Variants in MYO10 observed in about 807,000 individuals in gnomAD.
The protein encoded by MYO10 is myosin X.
Under a neutral mutation model 257.3 loss-of-function variants are expected in MYO10, and 133 were observed. That is an observed-to-expected ratio of 0.52 (90% CI 0.45 to 0.60). The LOEUF is 0.60. Ranked by LOEUF, MYO10 falls within the 20% of genes least tolerant of loss-of-function variation. MYO10 has a pLI of 0.00. For missense variants in MYO10, 2,399 were observed against 2,635.7 expected (o/e 0.91, Z 1.97); for synonymous variants, 1,104 against 1,028.6 (o/e 1.07, Z -1.40).
chr5:16,826,321 G>A (rs1468099444), intron 2 of MYO10, among the ~76,000 whole-genome samples: 1 of 152,096 alleles, frequency 6.6e-6, no homozygotes, highest in Non-Finnish European at 1.5e-5. Flanking sequence ...TATTTTCTCC[G>A]TCTGTAAAAT....
Position 16,751,041 on chromosome 5 carries a change from C to A in MYO10, c.1929+3787G>T, listed in dbSNP as rs1052439726. On this transcript the variant is annotated intron_variant, in intron 19 of 40. Coordinates refer to ENST00000513610, the MANE Select transcript of MYO10 (RefSeq NM_012334.3). ...AAAAAACTTCTATATTTTCTAAAAC[C>A]CATGCTCCTTGCTTCTGAATAATAC... Among the ~76,000 whole-genome samples the A allele has an allele frequency of 2.0e-5, 3 of 152,018 alleles. No homozygotes were observed. The South Asian group carries it at 6.2e-4, about 32-fold the overall frequency.
intron 1 of MYO10, among the ~76,000 whole-genome samples, chr5:16,917,871 G>T (rs1312072237): frequency 3.3e-5 from 5 of 151,714 alleles, no homozygotes; most frequent in Non-Finnish European, 7.4e-5. Context: ...CAAGACCCTG[G>T]GTCCAAAAAA....
At chr5:16,862,301 G>A (rs938049021) in intron 2 of MYO10, among the ~76,000 whole-genome samples, 2 of 152,190 alleles carry the variant, frequency 1.3e-5, no homozygotes, top group Non-Finnish European at 2.9e-5. Flanking sequence ...TTGCAGACCA[G>A]CTGGATGATC....
chr5:16,746,364 T>C (rs1740197477), intron 19 of MYO10, among the ~76,000 whole-genome samples: 1 of 152,138 alleles, frequency 6.6e-6, no homozygotes, highest in African/African-American at 2.4e-5. Flanking sequence ...TCCTGTGACT[T>C]AGAATGGCTG....
At chr5:16,801,900 C>T (rs1053173590) in intron 3 of MYO10, among the ~76,000 whole-genome samples, 3 of 152,116 alleles carry the variant, frequency 2.0e-5, no homozygotes, top group Non-Finnish European at 2.9e-5. Flanking sequence ...AATAAATGAA[C>T]AGATACAAAA....
At chr5:16,870,032 G>A (rs6896380) in intron 2 of MYO10, among the ~76,000 whole-genome samples, 23,157 of 150,964 alleles carry the variant, frequency 0.15, 2,289 homozygotes, top group Admixed American at 0.21. Context: ...CTGACACCCC[G>A]TGTTTCTGAG....
chr5:16,722,608 A>G (rs1739193765), intron 19 of MYO10, among the ~76,000 whole-genome samples: 1 of 152,252 alleles, frequency 6.6e-6, no homozygotes, highest in Non-Finnish European at 1.5e-5. Flanking sequence ...CTTTCTAACA[A>G]ATGGTGCTAG....
At chr5:16,843,990 A>G (rs1410080970) in intron 2 of MYO10, among the ~76,000 whole-genome samples, 1 of 152,216 alleles carries the variant, frequency 6.6e-6, no homozygotes, top group Non-Finnish European at 1.5e-5. Context: ...CAACAAGCAC[A>G]AAGATTGACA....
chr5:16,934,798 C>T (rs1376775726), intron 1 of MYO10, among the ~76,000 whole-genome samples: 4 of 152,170 alleles, frequency 2.6e-5, no homozygotes, highest in African/African-American at 9.7e-5. Context: ...AATATTATAT[C>T]CAATTAAATC....
chr5:16,818,380 G>T, intron 2 of MYO10, among the ~76,000 whole-genome samples: 1 of 51,214 alleles, frequency 2.0e-5, no homozygotes, highest in East Asian at 7.8e-4. Flanking sequence ...GTGTGTGTGT[G>T]CGTGTGTGTG....
intron 40 of MYO10, among the ~76,000 whole-genome samples, chr5:16,667,966 T>C (rs1309171465): frequency 2.0e-5 from 3 of 152,134 alleles, no homozygotes; most frequent in African/African-American, 7.2e-5. Flanking sequence ...TAAGGTTTTG[T>C]TGCAAATAAT....
intron 3 of MYO10, among the ~76,000 whole-genome samples, chr5:16,807,895 C>A (rs1742325392): frequency 6.6e-6 from 1 of 152,082 alleles, no homozygotes; most frequent in African/African-American, 2.4e-5. Context: ...TATTGTTCAT[C>A]GTTTGCCTGT....
At chr5:16,819,133 C>T (rs1742727518) in intron 2 of MYO10, among the ~76,000 whole-genome samples, 1 of 152,184 alleles carries the variant, frequency 6.6e-6, no homozygotes, top group African/African-American at 2.4e-5. Context: ...TATTCCCTTT[C>T]AACCAGGATA....
chr5:16,875,223 T>TA (rs1744568851), intron 2 of MYO10, among the ~76,000 whole-genome samples: 1 of 152,172 alleles, frequency 6.6e-6, no homozygotes, highest in Non-Finnish European at 1.5e-5. Flanking sequence ...ACAGTTTTGT[T>TA]AAACGAATGA....
intron 1 of MYO10, among the ~76,000 whole-genome samples, chr5:16,932,192 C>T (rs944985982): frequency 6.6e-6 from 1 of 152,204 alleles, no homozygotes; most frequent in Non-Finnish European, 1.5e-5. Context: ...TTGTGAGTAT[C>T]TTACTTGTGT....
At position 16,685,836 on chromosome 5, in the gene MYO10, G is replaced by A; in HGVS notation, c.3897-5C>T. 1.3e-6 allele frequency: 2 copies of A among 1,585,044 alleles called. No individual in the cohort carries two copies. The highest frequency in any genetic ancestry group is 1.7e-6 in the Non-Finnish European group (2 of 1,165,666). On this transcript the variant is annotated splice_region_variant and splice_polypyrimidine_tract_variant and intron_variant, in intron 28 of 40. Coordinates refer to ENST00000513610, the MANE Select transcript of MYO10 (RefSeq NM_012334.3). ...CTCAGCACGCTGAACCACTGGCTGT[G>A]GGGAAGAGAGAGCAACTGTCAAGGA...
intron 2 of MYO10, among the ~76,000 whole-genome samples, chr5:16,828,413 C>A (rs552082667): frequency 1.3e-4 from 20 of 152,140 alleles, no homozygotes; most frequent in African/African-American, 4.8e-4. Context: ...GAGTTCAAGA[C>A]CAGCTTGGCC....
At chr5:16,900,502 G>A (rs1670840427) in intron 1 of MYO10, among the ~76,000 whole-genome samples, 1 of 152,124 alleles carries the variant, frequency 6.6e-6, no homozygotes, top group South Asian at 2.1e-4. Flanking sequence ...AGAAAAACGT[G>A]TAAATTCCCA....
chr5:16,698,464 T>C (rs1183119383), intron 26 of MYO10, among the ~76,000 whole-genome samples: 1 of 152,164 alleles, frequency 6.6e-6, no homozygotes, highest in Non-Finnish European at 1.5e-5. Flanking sequence ...TATACTCAAA[T>C]GTTAGTAACA....
Sources: gnomAD v4.1 joint callset for allele counts (sites outside exome capture counted in the v4.1 genomes callset) on GRCh38, gnomAD v4.1.1 for gene constraint, MANE v1.5 for transcripts, NCBI Gene and HGNC (gene_info 2026-07-23, HGNC 2026-07-21) for gene names.